RNF213: variants seen among roughly 807,000 people sequenced by gnomAD.
RNF213 encodes the protein ring finger protein 213.
A neutral mutation model predicts 514.4 loss-of-function variants in RNF213; 341 were observed. The ratio of observed to expected loss-of-function variants is 0.66; its 90% confidence interval spans 0.61 to 0.73. The LOEUF (loss-of-function observed/expected upper bound fraction) is 0.73. Among genes scored for constraint, RNF213 ranks in the 30% least tolerant of loss-of-function variants. The pLI is 0.00. For synonymous variants in RNF213, 2,655 were observed against 2,658.2 expected, an observed-to-expected ratio of 1.00 and a Z score of 0.04; for missense variants, 5,767 against 6,615.6, an observed-to-expected ratio of 0.87 and a Z score of 4.45.
chr17:80,307,275 C>A, intron 13 of RNF213, 74 bp downstream of exon 13: 1 of 1,290,336 alleles, frequency 7.7e-7, no homozygotes, highest in Non-Finnish European at 1.1e-6. Context: ...CTATAATTGG[C>A]CGTGACCCAC....
intron 20 of RNF213, among the ~76,000 whole-genome samples, chr17:80,329,819 G>A (rs764350518): frequency 1.8e-4 from 27 of 152,050 alleles, no homozygotes; most frequent in Non-Finnish European, 3.1e-4. Flanking sequence ...TGACAGAGTG[G>A]GACCCTGTCT....
At chr17:80,385,946 G>A (rs879534032) in intron 61 of RNF213, among the ~76,000 whole-genome samples, 19 of 152,168 alleles carry the variant, frequency 1.2e-4, no homozygotes, top group East Asian at 1.9e-4. Context: ...GATTACAAGC[G>A]GGAGCCACTG....
rs566385203 is a variant in RNF213, at chr17:80,301,458, AG to A, written c.2210+2941del. ...ATTTAAGGAACTCAAACAAGTGAACAGAAAAACTCAGATCTAAAAATGGACA... is the reference window on the plus strand; with the variant it reads ...ATTTAAGGAACTCAAACAAGTGAACAAAAAACTCAGATCTAAAAATGGACA... On this transcript the variant is annotated intron_variant, in intron 11 of 67. Coordinates refer to ENST00000582970, the MANE Select transcript of RNF213 (RefSeq NM_001256071.3). Among the ~76,000 whole-genome samples the A allele has an allele frequency of 1.8e-3, 276 of 152,350 alleles. 9 individuals are homozygous for A. In the South Asian group the frequency reaches 0.026, roughly 14 times the overall value.
At chr17:80,286,657 G>C (rs964160489) in intron 3 of RNF213, among the ~76,000 whole-genome samples, 5 of 152,128 alleles carry the variant, frequency 3.3e-5, no homozygotes, top group Non-Finnish European at 7.4e-5. Context: ...GTGTGTGCAG[G>C]TCTTCCCAGG....
chr17:80,284,899 A>G (rs1366865128), intron 3 of RNF213, among the ~76,000 whole-genome samples: 1 of 152,128 alleles, frequency 6.6e-6, no homozygotes, highest in Non-Finnish European at 1.5e-5. Flanking sequence ...TCACAGGCCA[A>G]TCCCCCAGTG....
rs1599218347 is a variant in RNF213 at position 80,389,027 on chromosome 17, G to A, written c.15001-146G>A. 5 of 742,696 alleles carry A rather than the reference G, an allele frequency of 6.7e-6. No homozygotes were observed. The East Asian group carries it at 1.0e-4, about 15-fold the overall frequency. 46.0% of individuals were successfully genotyped at this position (742,696 alleles called of 1,614,324 possible). ...TCTCCATGGCCTCCAGGAACTGCCT[G>A]CACACCGTGCGCCCAAGTGTCAGCT... On this transcript the variant is annotated intron_variant, in intron 64 of 67. Coordinates refer to ENST00000582970, the MANE Select transcript of RNF213 (RefSeq NM_001256071.3).
rs769402557 is a variant in RNF213 at position 80,290,587 on chromosome 17, G to A, written c.1130G>A (p.Gly377Glu). The A allele has an allele frequency of 6.2e-7, 1 of 1,614,036 alleles. No homozygotes were observed. The highest frequency in any genetic ancestry group is 1.7e-4 in the Middle Eastern group (1 of 5,916). ...TCCACCAGCACGCTGAGCCCGGGTG[G>A]AGGAGTCACCGTGTTCTTCCACGCC... is the stretch of plus-strand genomic sequence containing the variant. ...EVKASTLSPGGGVTVFFHAII... is the reference protein window; with the variant it reads ...EVKASTLSPGEGVTVFFHAII... The change falls in exon 7 of 68, where the codon GGA becomes GAA. Residue 377 changes from glycine (G) to glutamate (E), a missense_variant. Coordinates refer to ENST00000582970, the MANE Select transcript of RNF213 (RefSeq NM_001256071.3).
At chr17:80,286,908 C>A (rs2044491960) in intron 3 of RNF213, among the ~76,000 whole-genome samples, 1 of 152,200 alleles carries the variant, frequency 6.6e-6, no homozygotes, top group Admixed American at 6.5e-5. Context: ...GGACCGTACA[C>A]CTGAACCTGG....
At chr17:80,273,431 C>T (rs76269241) in intron 3 of RNF213, 27 bp downstream of exon 3, 24,717 of 1,609,800 alleles carry the variant, frequency 0.015, 470 homozygotes, top group East Asian at 0.11. Flanking sequence ...GGCTCCCCTC[C>T]GCCCCCGCTC....
At position 80,325,091 on chromosome 17, in the gene RNF213, T is replaced by C. The variant is rs753208141; in HGVS notation, c.3086T>C (p.Leu1029Ser). ...GATTTGCGGAAATTTGGCATCGTCT[T>C]GTCTGCTGTGATCACTAAGTCCTGG... ...YSDLRKFGIVLSAVITKSWPR... is the reference protein window; with the variant it reads ...YSDLRKFGIVSSAVITKSWPR... The change falls in exon 18 of 68, where the codon TTG becomes TCG. Residue 1029 changes from leucine (L) to serine (S), a missense_variant. Around this residue, in one of 13 missense-constraint regions of RNF213, gnomAD observed 516 missense variants for 566.5 expected, o/e 0.91. Transcript: ENST00000582970. 1.7e-5 allele frequency: 26 copies of C among 1,537,150 alleles called. No individual in the cohort carries two copies. The East Asian group carries it at 2.0e-4, about 12-fold the overall frequency.
Position 80,372,661 on chromosome 17 carries a change from G to A in RNF213, c.12678G>A (p.Leu4226=), listed in dbSNP as rs781036289. The A allele has an allele frequency of 9.3e-6, 15 of 1,613,944 alleles. No individual in the cohort carries two copies. In the Admixed American group the frequency reaches 1.7e-4, roughly 18 times the overall value. The change falls in exon 48 of 68, where the codon CTG becomes CTA. Residue 4226 remains leucine, a synonymous_variant. Transcript: ENST00000582970. ...EPANEASVEY[L]QEVARIRLCL... ...CCAACGAGGCCTCGGTTGAATACCT[G>A]CAAGAGGTGGCCCGGATCCGCCTCT... is the stretch of plus-strand genomic sequence containing the variant.
intron 6 of RNF213, 138 bp downstream of exon 6, chr17:80,289,975 G>T (rs2044631871): frequency 1.0e-6 from 1 of 963,884 alleles, no homozygotes; most frequent in Non-Finnish European, 1.6e-6. Context: ...GGGGGAAAAG[G>T]GGACCACTTA....
intron 32 of RNF213, 47 bp downstream of exon 32, chr17:80,351,850 T>C (rs369020182): frequency 1.7e-5 from 18 of 1,066,300 alleles, no homozygotes; most frequent in Non-Finnish European, 2.3e-5. Flanking sequence ...TATTTATTTA[T>C]TTATTTGTAT....
chr17:80,288,664 C>T lies in RNF213; in HGVS notation c.842C>T (p.Ala281Val). The stretch of plus-strand genomic sequence containing the variant: ...GATGCTGTAGCTGAGCCAGCCAATG[C>T]AGTTAAAGGGGCCGGGAAGGAAATG... ...AVDAVAEPAN[A>V]VKGAGKEMKE... The change falls in exon 5 of 68, where the codon GCA (alanine) becomes GTA (valine). Residue 281 changes from alanine (A) to valine (V), a missense_variant. Physicochemically the swap from Ala to Val is moderately conservative, Grantham distance 64. Coordinates refer to ENST00000582970, the MANE Select transcript of RNF213 (RefSeq NM_001256071.3). The surrounding 1 kb of genome is among the most constrained non-coding windows in gnomAD (Gnocchi z 4.9). The T allele has an allele frequency of 6.2e-7, 1 of 1,614,148 alleles. No individual in the cohort carries two copies.
At chr17:80,289,633 G>T (rs1487534005) in intron 5 of RNF213, 26 bp from the exon 6 acceptor site, 6 of 1,611,170 alleles carry the variant, frequency 3.7e-6, no homozygotes, top group Non-Finnish European at 5.1e-6. Context: ...CGGCCTTCAA[G>T]GTCAGGGTTT....
At chr17:80,318,283 G>A (rs1304121285) in intron 16 of RNF213, among the ~76,000 whole-genome samples, 2 of 152,184 alleles carry the variant, frequency 1.3e-5, no homozygotes, top group Non-Finnish European at 2.9e-5. Flanking sequence ...GGCACACGGG[G>A]ATAGAGGTTC....
Position 80,368,225 on chromosome 17 carries a change from C to CTATTA in RNF213, c.12155+83_12155+87dup, listed in dbSNP as rs1273309774. 7.6e-6 allele frequency: 11 copies of CTATTA among 1,455,810 alleles called. No individual in the cohort carries two copies. The African/African-American group carries it at 1.5e-4, about 20-fold the overall frequency. The allele number at this position is 1,455,810 out of a possible 1,614,324, so 90.2% of individuals were successfully genotyped here. ...AACACAATATTCAGAAATATAAACT[C>CTATTA]TATTAACCTTCATTTGGTAGAAAAC... On this transcript the variant is annotated intron_variant, in intron 44 of 67. Transcript: ENST00000582970.
intron 61 of RNF213, 45 bp from the exon 62 acceptor site, chr17:80,386,205 G>A: frequency 1.3e-6 from 2 of 1,578,634 alleles, no homozygotes; most frequent in East Asian, 4.5e-5. Flanking sequence ...ATTCTGTGAG[G>A]AGTTGGAACT....
Position 80,363,735 on chromosome 17 carries a change from G to A in RNF213, c.11695G>A (p.Asp3899Asn), listed in dbSNP as rs768172702. Residue 3899 changes from aspartate (D) to asparagine (N), a missense_variant, in exon 41 of 68, where the codon GAT (aspartate) becomes AAT (asparagine). Around this residue, in one of 13 missense-constraint regions of RNF213, gnomAD observed 355 missense variants for 358.0 expected, o/e 0.99. Transcript: ENST00000582970. ...CATGCCGCTGGAGCTCATCTGCTCC[G>A]ATGAGCACATGCAAGGCAGCGGGAG... ...LSMPLELICS[D>N]EHMQGSGSLA... The A allele has an allele frequency of 3.1e-6, 5 of 1,613,902 alleles. No homozygotes were observed. The highest frequency in any genetic ancestry group is 1.1e-5 in the South Asian group (1 of 91,068).
Sources: gnomAD v4.1 joint callset for allele counts (sites outside exome capture counted in the v4.1 genomes callset) on GRCh38, gnomAD v4.1.1 for gene constraint, gnomAD v4.1.1 regional missense constraint, Gnocchi (gnomAD v3.1) non-coding constraint, MANE v1.5 for transcripts, NCBI Gene and HGNC (gene_info 2026-07-23, HGNC 2026-07-21) for gene names.